Variants in ANO5 observed in about 807,000 individuals in gnomAD.
ANO5 encodes anoctamin 5, also known as anoctamin-5.
ANO5 carries 109 observed loss-of-function variants against 121.0 expected under a neutral mutation model. The ratio of observed to expected loss-of-function variants is 0.90; its 90% CI spans 0.77 to 1.06. The LOEUF is 1.06. Among genes scored for constraint, ANO5 ranks in the 50% least tolerant of loss-of-function variants. ANO5 has a pLI of 0.00. For missense variants in ANO5, 1,064 were observed against 1,078.5 expected, an observed-to-expected ratio of 0.99 and a Z score of 0.19; for synonymous variants, 406 against 359.9, an observed-to-expected ratio of 1.13 and a Z score of -1.45.
rs1020833359 is a variant in ANO5 at position 22,280,696 on chromosome 11, G to A, written c.*931G>A. On this transcript the variant is annotated 3_prime_UTR_variant, in exon 22 of 22. Coordinates refer to ENST00000324559, the MANE Select transcript of ANO5 (RefSeq NM_213599.3). ...AAGCCTTTTTGTATAAGTTAGATAC[G>A]AGTTGTTTATGATAAACATTTCTTT... 4 of 152,028 alleles carry A rather than the reference G, an allele frequency of 2.6e-5. No homozygotes were observed. Among genetic ancestry groups the A allele is most frequent in the East Asian group, 1.9e-4 (1 of 5,184 alleles). 9.4% of individuals were successfully genotyped at this position (152,028 alleles called of 1,614,324 possible).
intron 2 of ANO5, among the ~76,000 whole-genome samples, chr11:22,207,873 A>T (rs1051119609): frequency 1.3e-5 from 2 of 152,058 alleles, no homozygotes; most frequent in Non-Finnish European, 2.9e-5. Flanking sequence ...GGCAAAATAC[A>T]TATTGAGATC....
At chr11:22,206,916 AAAAAT>A (rs895677694) in intron 2 of ANO5, among the ~76,000 whole-genome samples, 23 of 152,172 alleles carry the variant, frequency 1.5e-4, no homozygotes, top group Middle Eastern at 3.4e-3. Context: ...AATAAGACAA[AAAAAT>A]AAAATAAAAG....
chr11:22,236,809 G>T (rs532111947), intron 8 of ANO5, among the ~76,000 whole-genome samples: 1 of 152,166 alleles, frequency 6.6e-6, no homozygotes, highest in Non-Finnish European at 1.5e-5. Context: ...TAAACTAAAG[G>T]CTTCAGTGCA....
chr11:22,208,902 C>G (rs1264163156), intron 2 of ANO5, among the ~76,000 whole-genome samples: 1 of 151,842 alleles, frequency 6.6e-6, no homozygotes, highest in Admixed American at 6.6e-5. Flanking sequence ...AAAACAGGCT[C>G]TACACATTGC....
intron 2 of ANO5, among the ~76,000 whole-genome samples, chr11:22,206,968 C>T (rs1280803567): frequency 6.6e-6 from 1 of 151,972 alleles, no homozygotes; most frequent in Non-Finnish European, 1.5e-5. Flanking sequence ...AAATTCTCCC[C>T]ATTTCCAGGT....
chr11:22,227,927 T>C (rs1590247234), intron 7 of ANO5, among the ~76,000 whole-genome samples: 1 of 152,254 alleles, frequency 6.6e-6, no homozygotes, highest in East Asian at 1.9e-4. Context: ...AGTTTGGTTT[T>C]ATACAGTCAG....
rs1410595589 is a variant in ANO5, at chr11:22,218,250, C to T, written c.143C>T (p.Ala48Val). ...TCTTTATTGGTTGCTTCACAGCCTGCAAAGCGATTCAATTTGTTCCTGAGG... is the reference window on the plus strand; with the variant it reads ...TCTTTATTGGTTGCTTCACAGCCTGTAAAGCGATTCAATTTGTTCCTGAGG... ...SFLINEETMP[A>V]KRFNLFLRRR... is the part of the protein sequence containing the mutation. The change falls in exon 4 of 22, where the codon GCA becomes GTA. Residue 48 changes from alanine to valine, a missense_variant. Coordinates refer to ENST00000324559, the MANE Select transcript of ANO5 (RefSeq NM_213599.3). 6.2e-7 allele frequency: 1 copy of T among 1,613,280 alleles called. No homozygotes were observed. The highest frequency in any genetic ancestry group is 2.2e-5 in the East Asian group (1 of 44,826).
chr11:22,200,038 A>C (rs1851919275), intron 1 of ANO5, among the ~76,000 whole-genome samples: 1 of 152,198 alleles, frequency 6.6e-6, no homozygotes, highest in African/African-American at 2.4e-5. Flanking sequence ...GCTTATTTGG[A>C]AAACAATTAT....
At chr11:22,220,165 A>C (rs1852594454) in intron 4 of ANO5, among the ~76,000 whole-genome samples, 1 of 151,974 alleles carries the variant, frequency 6.6e-6, no homozygotes, top group South Asian at 2.1e-4. Context: ...TAATAGAAAC[A>C]CTAGTTGTGA....
intron 7 of ANO5, among the ~76,000 whole-genome samples, chr11:22,230,966 T>G (rs1371301783): frequency 6.6e-6 from 1 of 151,956 alleles, no homozygotes; most frequent in Non-Finnish European, 1.5e-5. Flanking sequence ...TAATTGGTCT[T>G]CCTACCCGTG....
intron 17 of ANO5, among the ~76,000 whole-genome samples, chr11:22,264,023 C>CTTTT (rs1854279115): frequency 1.9e-5 from 1 of 53,922 alleles, no homozygotes; most frequent in African/African-American, 1.0e-4. Context: ...AATAGCCAAA[C>CTTTT]CTTTTTTTTT....
At chr11:22,279,224 T>C (rs1016119523) in intron 21 of ANO5, among the ~76,000 whole-genome samples, 16 of 151,916 alleles carry the variant, frequency 1.1e-4, no homozygotes, top group African/African-American at 3.9e-4. Context: ...CATTTGCAAG[T>C]TTGCTAGCCT....
intron 12 of ANO5, among the ~76,000 whole-genome samples, chr11:22,254,471 A>G (rs1368115300): frequency 6.6e-6 from 1 of 152,130 alleles, no homozygotes; most frequent in African/African-American, 2.4e-5. Context: ...TCTGGAAACA[A>G]CTCAAATGTC....
intron 14 of ANO5, among the ~76,000 whole-genome samples, 181 bp from the exon 15 acceptor site, chr11:22,259,338 T>G (rs1854109178): frequency 6.6e-6 from 1 of 152,076 alleles, no homozygotes; most frequent in Admixed American, 6.6e-5. Flanking sequence ...CTCTAACCCT[T>G]TTACCTTGCC....
chr11:22,262,980 C>T lies in ANO5; in HGVS notation c.1835C>T (p.Thr612Ile). The change falls in exon 17 of 22, where the codon ACC becomes ATC. Residue 612 changes from threonine to isoleucine, a missense_variant. Transcript: ENST00000324559. ...DPGGCLIELT[T>I]QLTIIMTGKQ... ...GGAGGCTGTCTTATAGAATTGACAACCCAATTGACCATTATAATGACCGGG... is the reference window on the plus strand; with the variant it reads ...GGAGGCTGTCTTATAGAATTGACAATCCAATTGACCATTATAATGACCGGG... The T allele has an allele frequency of 1.2e-6, 2 of 1,613,622 alleles. No individual in the cohort carries two copies. Among genetic ancestry groups the T allele is most frequent in the East Asian group, 4.5e-5 (2 of 44,840 alleles).
intron 5 of ANO5, among the ~76,000 whole-genome samples, chr11:22,224,500 A>T (rs144314385): frequency 1.3e-5 from 2 of 152,252 alleles, no homozygotes; most frequent in East Asian, 3.9e-4. Flanking sequence ...TCAATAAATG[A>T]TGCTGATGAA....
chr11:22,203,735 C>A, intron 1 of ANO5, 69 bp from the exon 2 acceptor site: 1 of 980,126 alleles, frequency 1.0e-6, no homozygotes, highest in Non-Finnish European at 1.6e-6. Flanking sequence ...TTTTTCCTTA[C>A]ACAGACTTTT....
intron 4 of ANO5, among the ~76,000 whole-genome samples, chr11:22,219,451 G>A (rs963331327): frequency 4.6e-5 from 7 of 152,052 alleles, no homozygotes; most frequent in African/African-American, 1.7e-4. Flanking sequence ...AACAATACAA[G>A]TACCTGTAAA....
intron 8 of ANO5, among the ~76,000 whole-genome samples, chr11:22,236,870 G>A (rs1853240550): frequency 6.6e-6 from 1 of 152,108 alleles, no homozygotes; most frequent in Non-Finnish European, 1.5e-5. Context: ...AACGTTTTTT[G>A]GGGGCTGGCA....
Sources: gnomAD v4.1 joint callset for allele counts (sites outside exome capture counted in the v4.1 genomes callset) on GRCh38, gnomAD v4.1.1 for gene constraint, MANE v1.5 for transcripts, NCBI Gene and HGNC (gene_info 2026-07-23, HGNC 2026-07-21) for gene names.